RBFOX2: variants seen among roughly 807,000 people sequenced by gnomAD.
RBFOX2 encodes the protein RNA binding protein fox-1 homolog 2.
Under a neutral mutation model 49.1 loss-of-function variants are expected in RBFOX2, and 10 were observed. The observed-to-expected ratio is 0.20, with a 90% CI of 0.13 to 0.35. The LOEUF (loss-of-function observed/expected upper bound fraction) is 0.35, where lower values mean the gene tolerates loss of function less well. Ranked by LOEUF, RBFOX2 falls within the 10% of genes least tolerant of loss-of-function variation. RBFOX2 has a pLI of 1.00. For missense variants in RBFOX2, 323 were observed against 486.9 expected (o/e 0.66, Z 3.17); for synonymous variants, 183 against 187.4 (o/e 0.98, Z 0.19).
At chr22:35,773,008 T>TA (rs1226849948) in intron 4 of RBFOX2, among the ~76,000 whole-genome samples, 1 of 100,930 alleles carries the variant, frequency 9.9e-6, no homozygotes, top group African/African-American at 3.7e-5. Flanking sequence ...TAAAAATAAA[T>TA]AAAAAAAATA....
intron 1 of RBFOX2, chr22:35,998,111 CTCCTT>C (rs1219937511): frequency 4.6e-5 from 7 of 152,180 alleles, no homozygotes; most frequent in Non-Finnish European, 1.0e-4. Flanking sequence ...CTTTATGCTT[CTCCTT>C]TCCAAGTGTA....
chr22:35,838,981 TC>T (rs1311960239), intron 1 of RBFOX2, among the ~76,000 whole-genome samples: 1 of 152,142 alleles, frequency 6.6e-6, no homozygotes, highest in African/African-American at 2.4e-5. Context: ...GATGCCTCCA[TC>T]CTGATAACTA....
chr22:35,858,586 G>T (rs1159766524), intron 1 of RBFOX2, among the ~76,000 whole-genome samples: 1 of 152,082 alleles, frequency 6.6e-6, no homozygotes, highest in Non-Finnish European at 1.5e-5. Flanking sequence ...AGCACTTTAG[G>T]AAGTCGAGGT....
At chr22:35,802,527 T>C (rs1050035950) in intron 2 of RBFOX2, among the ~76,000 whole-genome samples, 2 of 152,182 alleles carry the variant, frequency 1.3e-5, no homozygotes, top group African/African-American at 4.8e-5. Context: ...GCCTTAAAAC[T>C]TAGTTTTATC....
chr22:36,012,539 C>T (rs1475790390), intron 1 of RBFOX2, among the ~76,000 whole-genome samples: 1 of 151,910 alleles, frequency 6.6e-6, no homozygotes, highest in Non-Finnish European at 1.5e-5. Flanking sequence ...ATGATCCCAC[C>T]ACTGCACTCC....
At chr22:35,956,060 T>C (rs2055517991) in intron 1 of RBFOX2, among the ~76,000 whole-genome samples, 1 of 152,256 alleles carries the variant, frequency 6.6e-6, no homozygotes, top group Admixed American at 6.5e-5. Context: ...GATCTTGTAC[T>C]TGGAATAGAT....
intron 4 of RBFOX2, among the ~76,000 whole-genome samples, chr22:35,773,803 A>G (rs1297435496): frequency 6.6e-6 from 1 of 152,122 alleles, no homozygotes; most frequent in Non-Finnish European, 1.5e-5. Flanking sequence ...CTTGATAATT[A>G]TCACCAAAAA....
intron 1 of RBFOX2, among the ~76,000 whole-genome samples, chr22:35,877,357 A>ACAGT (rs1324724458): frequency 6.6e-6 from 1 of 152,174 alleles, no homozygotes; most frequent in Admixed American, 6.6e-5. Flanking sequence ...TAAAGATTAA[A>ACAGT]CAGTAGAAGA....
intron 1 of RBFOX2, among the ~76,000 whole-genome samples, chr22:35,832,870 A>T (rs1243671922): frequency 6.6e-6 from 1 of 152,196 alleles, no homozygotes; most frequent in Non-Finnish European, 1.5e-5. Context: ...AAGAAGTTCT[A>T]ATATTCAACA....
intron 1 of RBFOX2, among the ~76,000 whole-genome samples, chr22:35,950,280 G>A (rs77384371): frequency 0.045 from 6,796 of 151,596 alleles, 492 homozygotes; most frequent in African/African-American, 0.16. Flanking sequence ...CTTTTTTGCC[G>A]GCTGTGTGAA....
At position 35,914,088 on chromosome 22, in the gene RBFOX2, C is replaced by G. The variant is rs1485221218; in HGVS notation, c.-34+24759G>C. ...GTTAAAGAATATCAGAGTGAAAATG[C>G]TGGCAGGACTTCTAGGGCCTTTTTA... On this transcript the variant is annotated intron_variant, in intron 1 of 13. Transcript: ENST00000359369. Among the ~76,000 whole-genome samples, 4 of 152,128 alleles carry G rather than the reference C, an allele frequency of 2.6e-5. No individual in the cohort carries two copies. The East Asian group carries it at 7.7e-4, about 29-fold the overall frequency.
At chr22:35,746,752 A>C in intron 9 of RBFOX2, 191 bp from the exon 12 acceptor site, 3 of 399,846 alleles carry the variant, frequency 7.5e-6, no homozygotes, top group Non-Finnish European at 1.3e-5. Flanking sequence ...ATAAAAAATT[A>C]AGCCCTACGA....
intron 1 of RBFOX2, among the ~76,000 whole-genome samples, chr22:35,979,959 G>T (rs1250702230): frequency 6.6e-6 from 1 of 152,116 alleles, no homozygotes; most frequent in Non-Finnish European, 1.5e-5. Flanking sequence ...TATCATTGAG[G>T]ATGGAAAATC....
At chr22:35,753,140 G>A (rs891191264) in intron 9 of RBFOX2, among the ~76,000 whole-genome samples, 4 of 152,158 alleles carry the variant, frequency 2.6e-5, no homozygotes, top group African/African-American at 7.2e-5. Context: ...TTCAAGCTCC[G>A]ATTCGGTGCA....
At chr22:35,974,092 A>T (rs1034160067) in intron 1 of RBFOX2, among the ~76,000 whole-genome samples, 4 of 152,216 alleles carry the variant, frequency 2.6e-5, no homozygotes, top group Non-Finnish European at 5.9e-5. Flanking sequence ...AATTAGGCAC[A>T]GAGAACTTGG....
chr22:35,795,269 T>C (rs1214395676), intron 2 of RBFOX2, among the ~76,000 whole-genome samples: 1 of 152,140 alleles, frequency 6.6e-6, no homozygotes, highest in African/African-American at 2.4e-5. Context: ...AGAGCCACTC[T>C]TGGAAAAGTG....
chr22:35,797,014 T>G (rs1158343859), intron 2 of RBFOX2, among the ~76,000 whole-genome samples: 1 of 152,204 alleles, frequency 6.6e-6, no homozygotes, highest in African/African-American at 2.4e-5. Flanking sequence ...TCTTTCTTTT[T>G]CTTAGTTTGA....
chr22:35,912,681 C>T (rs16996187), intron 1 of RBFOX2, among the ~76,000 whole-genome samples: 2,371 of 152,194 alleles, frequency 0.016, 61 homozygotes, highest in African/African-American at 0.054. Flanking sequence ...AGTTGTTAAA[C>T]TTATCATATA....
intron 2 of RBFOX2, among the ~76,000 whole-genome samples, chr22:35,794,009 T>C (rs1299059770): frequency 6.6e-6 from 1 of 152,184 alleles, no homozygotes; most frequent in Non-Finnish European, 1.5e-5. Flanking sequence ...GGAGTAAGAA[T>C]TGTATAAAAT....
Sources: gnomAD v4.1 joint callset for allele counts (sites outside exome capture counted in the v4.1 genomes callset) on GRCh38, gnomAD v4.1.1 for gene constraint, MANE v1.5 for transcripts, NCBI Gene and HGNC (gene_info 2026-07-23, HGNC 2026-07-21) for gene names.